The following RND3 variants were observed in gnomAD, a reference collection of about 807,000 sequenced individuals.
RND3 encodes the protein rho-related GTP-binding protein RhoE.
A neutral mutation model predicts 26.5 loss-of-function variants in RND3; 8 were observed. The ratio of observed to expected loss-of-function variants is 0.30; its 90% CI spans 0.18 to 0.54. The LOEUF is 0.54. Among genes scored for constraint, RND3 ranks in the 20% least tolerant of loss-of-function variants. The probability of loss-of-function intolerance (pLI) is 0.94; values close to 1 mark genes in which losing one functional copy is unlikely to be tolerated. For missense variants in RND3, 207 were observed against 302.8 expected, an observed-to-expected ratio of 0.68 and a Z score of 2.35; for synonymous variants, 113 against 113.0, an observed-to-expected ratio of 1.00 and a Z score of 0.00.
chr2:150,478,426 G>A (rs1686209923), intron 3 of RND3, among the ~76,000 whole-genome samples: 1 of 151,756 alleles, frequency 6.6e-6, no homozygotes, highest in African/African-American at 2.4e-5. Context: ...AGGAATTCCA[G>A]AAATGACTCT....
intron 2 of RND3, chr2:150,487,057 A>C (rs1011171211): frequency 2.0e-5 from 12 of 600,060 alleles, no homozygotes; most frequent in Admixed American, 5.9e-5. Flanking sequence ...TAACCAGCCC[A>C]TGTGCAGGCG....
chr2:150,476,124 C>T (rs1686160561), intron 3 of RND3, among the ~76,000 whole-genome samples: 3 of 152,140 alleles, frequency 2.0e-5, no homozygotes, highest in African/African-American at 7.2e-5. Flanking sequence ...TATCTGACTC[C>T]AGAGTAGAAA....
chr2:150,469,006 T>C lies in RND3; in HGVS notation c.*981A>G, dbSNP rs1312899633. On this transcript the variant is annotated 3_prime_UTR_variant, in exon 6 of 6. Transcript: ENST00000263895. ...AAAATAATAGTCCTTTTGCTTTGTA[T>C]TTTTGGTAACTTAATTCCAGACAGC... The C allele has an allele frequency of 6.6e-6, 1 of 152,664 alleles. No individual in the cohort carries two copies. Among genetic ancestry groups the C allele is most frequent in the Non-Finnish European group, 1.5e-5 (1 of 68,042 alleles). The allele number at this position is 152,664 out of a possible 1,614,324, so 9.5% of individuals were successfully genotyped here. A position where few individuals can be genotyped will look rare whatever the true frequency, so the allele number is the denominator to read the frequency against.
At chr2:150,476,787 A>G (rs1686173996) in intron 3 of RND3, among the ~76,000 whole-genome samples, 1 of 152,242 alleles carries the variant, frequency 6.6e-6, no homozygotes, top group South Asian at 2.1e-4. Flanking sequence ...TCTGAGGTGA[A>G]GAGAATAATT....
chr2:150,478,579 C>CAAAAAAAAAAAAAAAAAAAAAAAAAAA (rs1229770069), intron 3 of RND3, among the ~76,000 whole-genome samples: 2 of 106,368 alleles, frequency 1.9e-5, no homozygotes, highest in African/African-American at 7.4e-5. Context: ...AGCCAAACGG[C>CAAAAAAAAAAAAAAAAAAAAAAAAAAA]AAAAAAAAAA....
rs1037043748 is a variant in RND3 at position 150,469,929 on chromosome 2, T to G, written c.*58A>C. 12 of 1,592,390 alleles carry G rather than the reference T, an allele frequency of 7.5e-6. No homozygotes were observed. The African/African-American group carries it at 1.6e-4, about 22-fold the overall frequency. ...GCACTTCATTTAGACTTCACCTTTT[T>G]GTTTGCTGTTGTTTTTTACACTAGA... On this transcript the variant is annotated 3_prime_UTR_variant, in exon 6 of 6. Transcript: ENST00000263895.
chr2:150,487,473 A>AT lies in RND3; in HGVS notation c.-38-19_-38-18insA, dbSNP rs66936758. The stretch of plus-strand genomic sequence containing the variant: ...AATTTTCTCTTAAGAAGAAAAAAAA[A>AT]AATATATATATATATATATATTTCT... On this transcript the variant is annotated intron_variant, in intron 1 of 5. Transcript: ENST00000263895. The AT allele has an allele frequency of 6.2e-3, 2,255 of 361,408 alleles. 11 individuals carry two copies. Among genetic ancestry groups the AT allele is most frequent in the East Asian group, 0.017 (220 of 12,874 alleles). The allele number at this position is 361,408 out of a possible 1,614,324, so 22.4% of individuals were successfully genotyped here.
At chr2:150,482,735 G>GGGGGGGGGGGC (rs1686296666) in intron 3 of RND3, among the ~76,000 whole-genome samples, 1 of 133,646 alleles carries the variant, frequency 7.5e-6, no homozygotes, top group Non-Finnish European at 1.6e-5. Context: ...GGGTGGGGGG[G>GGGGGGGGGGGC]GCGGTGCGGG....
chr2:150,469,588 G>A lies in RND3; in HGVS notation c.*399C>T, dbSNP rs552736658. The A allele has an allele frequency of 1.2e-4, 20 of 167,696 alleles. 1 individual carries two copies. Among genetic ancestry groups the A allele is most frequent in the Non-Finnish European group, 1.3e-5 (1 of 78,812 alleles). The allele number at this position is 167,696 out of a possible 1,614,324, so 10.4% of individuals were successfully genotyped here. A position where few individuals can be genotyped will look rare whatever the true frequency, so the allele number is the denominator to read the frequency against. On this transcript the variant is annotated 3_prime_UTR_variant, in exon 6 of 6. Transcript: ENST00000263895. ...ATATTAACGTATACTTTTTGTAAAG[G>A]AGATTAAAACATTTAAAAATTAAAT...
chr2:150,480,780 A>G (rs1686257668), intron 3 of RND3, among the ~76,000 whole-genome samples: 1 of 152,218 alleles, frequency 6.6e-6, no homozygotes, highest in South Asian at 2.1e-4. Context: ...CTCCAAATGC[A>G]GTTTTATGTA....
rs1012390164 is a variant in RND3, at chr2:150,486,327, A to C, written c.238+367T>G. On this transcript the variant is annotated intron_variant, in intron 3 of 5. Coordinates refer to ENST00000263895, the MANE Select transcript of RND3 (RefSeq NM_005168.5). This position sits in a 1 kb window ranked among gnomAD's most constrained non-coding sequence, Gnocchi z 4.5. ...AGATCTAGGAGGGGCGCCCGCCTTG[A>C]GCCGGGTGGTTCCGCCGAGGCGCAC... 6.7e-6 allele frequency among the ~76,000 whole-genome samples: 1 copy of C among 149,896 alleles called. No individual in the cohort carries two copies. Among genetic ancestry groups the C allele is most frequent in the African/African-American group, 2.5e-5 (1 of 39,502 alleles).
chr2:150,469,282 G>A lies in RND3; in HGVS notation c.*705C>T, dbSNP rs1686041619. ...ATCACAATGAAGAACAGAACCATCAGACTGAATAAAAATCGACATTTTTTT... is the reference window on the plus strand; with the variant it reads ...ATCACAATGAAGAACAGAACCATCAAACTGAATAAAAATCGACATTTTTTT... On this transcript the variant is annotated 3_prime_UTR_variant, in exon 6 of 6. Coordinates refer to ENST00000263895, the MANE Select transcript of RND3 (RefSeq NM_005168.5). The A allele has an allele frequency of 6.6e-6, 1 of 152,514 alleles. No individual in the cohort carries two copies. Among genetic ancestry groups the A allele is most frequent in the Admixed American group, 6.5e-5 (1 of 15,272 alleles). 9.4% of individuals were successfully genotyped at this position (152,514 alleles called of 1,614,324 possible).
rs772797723 is a variant in RND3, at chr2:150,487,269, T to G, written c.149A>C (p.Glu50Ala). ...LHVFAKDCFP[E>A]NYVPTVFENY... ...GAAGCCGCGGCCGGCCACACTCACC[T>G]CGGGGAAGCAGTCCTTGGCGAAGAC... Residue 50 changes from glutamate to alanine, a missense_variant and splice_region_variant, in exon 2 of 6, where the codon GAG (glutamate) becomes GCG (alanine). By Grantham distance (107) the Glu-to-Ala change is moderately radical (BLOSUM62 -1). Coordinates refer to ENST00000263895, the MANE Select transcript of RND3 (RefSeq NM_005168.5). The G allele has an allele frequency of 3.0e-5, 47 of 1,584,324 alleles. No individual in the cohort carries two copies. The Admixed American group carries it at 8.2e-4, about 28-fold the overall frequency.
intron 5 of RND3, 33 bp from the exon 6 acceptor site, chr2:150,470,271 A>G (rs765074771): frequency 6.3e-7 from 1 of 1,599,598 alleles, no homozygotes; most frequent in Admixed American, 1.7e-5. Flanking sequence ...TTAACCAGCA[A>G]TAAGACTTTG....
chr2:150,480,161 T>C (rs1361373730), intron 3 of RND3, among the ~76,000 whole-genome samples: 1 of 152,222 alleles, frequency 6.6e-6, no homozygotes, highest in African/African-American at 2.4e-5. Flanking sequence ...TATATGAATA[T>C]GCCTAAAAGT....
At chr2:150,479,614 C>T (rs1686236862) in intron 3 of RND3, among the ~76,000 whole-genome samples, 1 of 152,192 alleles carries the variant, frequency 6.6e-6, no homozygotes, top group Non-Finnish European at 1.5e-5. Context: ...ACCATGAGCA[C>T]ATCTGAACGC....
At chr2:150,473,980 G>A (rs139589734) in intron 4 of RND3, among the ~76,000 whole-genome samples, 23 of 152,266 alleles carry the variant, frequency 1.5e-4, no homozygotes, top group African/African-American at 4.8e-4. Flanking sequence ...TGGAGGAGAG[G>A]GAGTGCTCCA....
At chr2:150,487,160 CTT>C (rs1411913210) in intron 2 of RND3, 106 bp downstream of exon 2, 1,968 of 484,294 alleles carry the variant, frequency 4.1e-3, no homozygotes, top group South Asian at 9.6e-3. Context: ...TTTTTTTTTT[CTT>C]TTTTTTTTTT....
chr2:150,470,425 A>T (rs1269076967), intron 5 of RND3, among the ~76,000 whole-genome samples, 187 bp from the exon 6 acceptor site: 1 of 152,172 alleles, frequency 6.6e-6, no homozygotes. Flanking sequence ...ATTACTTCAT[A>T]ACTATTTGCA....
Sources: gnomAD v4.1 joint callset for allele counts (sites outside exome capture counted in the v4.1 genomes callset) on GRCh38, gnomAD v4.1.1 for gene constraint, Gnocchi (gnomAD v3.1) non-coding constraint, MANE v1.5 for transcripts, NCBI Gene and HGNC (gene_info 2026-07-23, HGNC 2026-07-21) for gene names.